Variants in DOCK1 observed in about 807,000 individuals in gnomAD.
The protein encoded by DOCK1 is dedicator of cytokinesis protein 1.
In DOCK1, 138 loss-of-function variants were observed where a neutral mutation model predicts 262.7. The ratio of observed to expected loss-of-function variants is 0.53; its 90% confidence interval spans 0.46 to 0.61. DOCK1 has a LOEUF of 0.61. DOCK1 is among the 20% of genes least tolerant of loss of function. The pLI is 0.00. For missense variants in DOCK1, 1,908 were observed against 2,370.7 expected, an observed-to-expected ratio of 0.80 and a Z score of 4.05; for synonymous variants, 866 against 867.4, an observed-to-expected ratio of 1.00 and a Z score of 0.03.
intron 24 of DOCK1, among the ~76,000 whole-genome samples, chr10:127,107,607 C>T (rs2048608910): frequency 6.6e-6 from 1 of 152,170 alleles, no homozygotes; most frequent in Non-Finnish European, 1.5e-5. Flanking sequence ...CAAGAGCGGG[C>T]CCCAAAATGG....
Position 127,042,654 on chromosome 10 carries a change from C to G in DOCK1, c.2040C>G (p.Phe680Leu), listed in dbSNP as rs748075720. Residue 680 changes from phenylalanine (F) to leucine (L), a missense_variant, in exon 20 of 52, where the codon TTC (phenylalanine) becomes TTG (leucine). Physicochemically the swap from Phe to Leu is conservative, Grantham distance 22 (BLOSUM62 0). This residue lies in a region of DOCK1 where 294 missense variants were observed against 439.9 expected (regional missense o/e 0.67). Transcript: ENST00000623213. Reference sequence around the variant, plus strand: ...TTCAGGACACGTTGGATGCCCTCTTCAACATCATGATGGAGAACTCAGAGA... The same window carrying G: ...TTCAGGACACGTTGGATGCCCTCTTGAACATCATGATGGAGAACTCAGAGA... Reference protein sequence around the residue: ...KFLQDTLDALFNIMMENSESE... With the variant: ...KFLQDTLDALLNIMMENSESE... 6.2e-7 allele frequency: 1 copy of G among 1,614,144 alleles called. No individual in the cohort carries two copies. The highest frequency in any genetic ancestry group is 2.2e-5 in the East Asian group (1 of 44,880).
intron 27 of DOCK1, among the ~76,000 whole-genome samples, chr10:127,177,912 G>A (rs906635016): frequency 2.0e-5 from 3 of 152,154 alleles, no homozygotes; most frequent in Admixed American, 6.5e-5. Flanking sequence ...TCATTTTTCG[G>A]TGTCACACAG....
chr10:126,966,980 T>G (rs2037723949), intron 1 of DOCK1, among the ~76,000 whole-genome samples: 1 of 152,088 alleles, frequency 6.6e-6, no homozygotes, highest in Non-Finnish European at 1.5e-5. Context: ...CATTATAAAA[T>G]GAAGATGGAC....
At chr10:126,909,058 G>T (rs575482391) in intron 1 of DOCK1, among the ~76,000 whole-genome samples, 102 of 152,334 alleles carry the variant, frequency 6.7e-4, no homozygotes, top group African/African-American at 2.3e-3. Flanking sequence ...TGTGATTCAG[G>T]TTACTTGGAA....
intron 16 of DOCK1, among the ~76,000 whole-genome samples, chr10:127,030,568 G>A (rs1365006805): frequency 6.6e-6 from 1 of 152,186 alleles, no homozygotes; most frequent in African/African-American, 2.4e-5. Flanking sequence ...GACCCCTTAA[G>A]AAACCACAAT....
At chr10:127,274,049 A>G (rs1370083692) in intron 29 of DOCK1, among the ~76,000 whole-genome samples, 2 of 152,188 alleles carry the variant, frequency 1.3e-5, no homozygotes, top group African/African-American at 4.8e-5. Context: ...CATGATCTGC[A>G]TGTAATTCAC....
rs182420407 is a variant in DOCK1 at position 127,128,760 on chromosome 10, G to A, written c.2847+996G>A. Reference sequence around the variant, plus strand: ...GCTGCATACTATTCCATGGTGTATAGGTGCCACATTTTCTTTATTCAGACA... The same window carrying A: ...GCTGCATACTATTCCATGGTGTATAAGTGCCACATTTTCTTTATTCAGACA... On this transcript the variant is annotated intron_variant, in intron 27 of 51. Coordinates refer to ENST00000623213, the MANE Select transcript of DOCK1 (RefSeq NM_001290223.2). 9.9e-5 allele frequency among the ~76,000 whole-genome samples: 15 copies of A among 152,192 alleles called. No individual in the cohort carries two copies. The South Asian group carries it at 1.2e-3, about 13-fold the overall frequency.
chr10:127,301,962 A>G (rs1475233148), intron 29 of DOCK1, among the ~76,000 whole-genome samples: 2 of 149,660 alleles, frequency 1.3e-5, no homozygotes, highest in East Asian at 2.0e-4. Context: ...AAAAAAAAAG[A>G]AAAAAAAATG....
At position 127,433,316 on chromosome 10, in the gene DOCK1, C is replaced by G. The variant is rs2069430872; in HGVS notation, c.4948C>G (p.Pro1650Ala). ...TCTGGATGATAGAAGAGGCAGCCGCCCCCGGTCCATGGTGCGGTCCTTCAC... is the reference window on the plus strand; with the variant it reads ...TCTGGATGATAGAAGAGGCAGCCGCGCCCGGTCCATGGTGCGGTCCTTCAC... ...SSLDDRRGSRPRSMVRSFTMP... is the reference protein window; with the variant it reads ...SSLDDRRGSRARSMVRSFTMP... The change falls in exon 48 of 52, where the codon CCC (proline) becomes GCC (alanine). Residue 1650 changes from proline to alanine, a missense_variant. Pro to Ala is a conservative substitution (Grantham distance 27). Around this residue, in one of 9 missense-constraint regions of DOCK1, gnomAD observed 383 missense variants for 420.1 expected, o/e 0.91. Transcript: ENST00000623213. 1 of 1,613,944 alleles carries G rather than the reference C, an allele frequency of 6.2e-7. No individual in the cohort carries two copies. The highest frequency in any genetic ancestry group is 8.5e-7 in the Non-Finnish European group (1 of 1,179,898).
At chr10:126,918,122 G>A (rs71490795) in intron 1 of DOCK1, among the ~76,000 whole-genome samples, 2,704 of 152,342 alleles carry the variant, frequency 0.018, 46 homozygotes, top group Middle Eastern at 0.041. Flanking sequence ...ACTTCCAGGG[G>A]AGGCTGCCCG....
chr10:127,068,525 A>C (rs2046011250), intron 23 of DOCK1, among the ~76,000 whole-genome samples: 1 of 151,988 alleles, frequency 6.6e-6, no homozygotes, highest in Non-Finnish European at 1.5e-5. Context: ...GTTTGCATTA[A>C]ACAAAGCAGC....
At chr10:127,036,756 C>T (rs1348911024) in intron 18 of DOCK1, among the ~76,000 whole-genome samples, 1 of 151,806 alleles carries the variant, frequency 6.6e-6, no homozygotes, top group Non-Finnish European at 1.5e-5. Flanking sequence ...GGTGGATCAC[C>T]TGCGATCAGG....
At chr10:127,321,626 A>G (rs577186825) in intron 29 of DOCK1, among the ~76,000 whole-genome samples, 2 of 150,340 alleles carry the variant, frequency 1.3e-5, no homozygotes, top group African/African-American at 4.9e-5. Flanking sequence ...CTCTGAACCC[A>G]CTCCCCATGG....
intron 38 of DOCK1, among the ~76,000 whole-genome samples, chr10:127,397,256 A>C (rs2066930861): frequency 7.2e-6 from 1 of 139,576 alleles, no homozygotes; most frequent in Non-Finnish European, 1.5e-5. Flanking sequence ...AGCATGAGTT[A>C]CACGGGCGGC....
intron 1 of DOCK1, among the ~76,000 whole-genome samples, chr10:126,918,348 C>T (rs1394587114): frequency 6.6e-6 from 1 of 152,248 alleles, no homozygotes; most frequent in Admixed American, 6.5e-5. Flanking sequence ...GCCGCTGCCG[C>T]TGCCTACTGG....
At chr10:126,947,166 C>A (rs2035484072) in intron 1 of DOCK1, among the ~76,000 whole-genome samples, 1 of 152,180 alleles carries the variant, frequency 6.6e-6, no homozygotes, top group Admixed American at 6.5e-5. Context: ...TGTGGTATTC[C>A]ATGGTGTTTC....
At chr10:127,056,635 C>T (rs1191871393) in intron 22 of DOCK1, among the ~76,000 whole-genome samples, 2 of 151,890 alleles carry the variant, frequency 1.3e-5, no homozygotes, top group African/African-American at 4.8e-5. Flanking sequence ...CCCTTCCTTC[C>T]TTCCTTCCAT....
chr10:127,054,611 A>G (rs2045006159), intron 22 of DOCK1, among the ~76,000 whole-genome samples: 1 of 152,336 alleles, frequency 6.6e-6, no homozygotes, highest in South Asian at 2.1e-4. Flanking sequence ...TAATTCTATG[A>G]AAATGAACTT....
chr10:127,359,449 T>C (rs2064305096), intron 32 of DOCK1, among the ~76,000 whole-genome samples: 1 of 152,178 alleles, frequency 6.6e-6, no homozygotes, highest in South Asian at 2.1e-4. Context: ...ACGCTGAAAT[T>C]GTGGTTGATG....
Sources: gnomAD v4.1 joint callset for allele counts (sites outside exome capture counted in the v4.1 genomes callset) on GRCh38, gnomAD v4.1.1 for gene constraint, gnomAD v4.1.1 regional missense constraint, MANE v1.5 for transcripts, NCBI Gene and HGNC (gene_info 2026-07-23, HGNC 2026-07-21) for gene names.